The following PLPPR1 variants were observed in gnomAD, a reference collection of about 807,000 sequenced individuals.
The protein encoded by PLPPR1 is phospholipid phosphatase related 1.
PLPPR1 carries 10 observed loss-of-function variants against 33.1 expected under a neutral mutation model. The observed-to-expected ratio is 0.30, with a 90% CI of 0.19 to 0.51. PLPPR1 has a LOEUF of 0.51. Among genes scored for constraint, PLPPR1 ranks in the 20% least tolerant of loss-of-function variants. The probability of loss-of-function intolerance (pLI) is 0.97; values close to 1 mark genes in which losing one functional copy is unlikely to be tolerated. For missense variants in PLPPR1, 304 were observed against 408.1 expected (o/e 0.74, Z 2.20); for synonymous variants, 151 against 151.0 (o/e 1.00, Z 0.00).
intron 2 of PLPPR1, among the ~76,000 whole-genome samples, chr9:101,216,097 A>G (rs1408223368): frequency 3.3e-5 from 5 of 152,166 alleles, no homozygotes; most frequent in African/African-American, 1.2e-4. Context: ...ACTAATTTAC[A>G]TTCCCACCAA....
At position 101,035,729 on chromosome 9, in the gene PLPPR1, T is replaced by C. The variant is rs569813155; in HGVS notation, c.-46+6627T>C. On this transcript the variant is annotated intron_variant, in intron 1 of 7. Transcript: ENST00000374874. ...AATCAATTACTGAACCAACTTCTCC[T>C]TTTGAGTCATTGATGACACTTCAAA... is the stretch of plus-strand genomic sequence containing the variant. Among the ~76,000 whole-genome samples, 4 of 152,332 alleles carry C rather than the reference T, an allele frequency of 2.6e-5. No homozygotes were observed. The South Asian group carries it at 8.3e-4, about 32-fold the overall frequency.
chr9:101,250,513 G>A (rs1313517923), intron 2 of PLPPR1, among the ~76,000 whole-genome samples: 1 of 151,926 alleles, frequency 6.6e-6, no homozygotes, highest in Non-Finnish European at 1.5e-5. Flanking sequence ...CCTCCCAAGT[G>A]GCCATGTCTT....
At chr9:101,238,617 T>C (rs1827383293) in intron 2 of PLPPR1, among the ~76,000 whole-genome samples, 2 of 151,408 alleles carry the variant, frequency 1.3e-5, no homozygotes, top group Admixed American at 6.6e-5. Context: ...TTAATAGACA[T>C]TGGAGACACT....
intron 4 of PLPPR1, among the ~76,000 whole-genome samples, chr9:101,287,554 GCAGTGGCA>G (rs1828415128): frequency 2.0e-5 from 3 of 152,190 alleles, no homozygotes; most frequent in African/African-American, 7.2e-5. Context: ...AGGCTGGAGT[GCAGTGGCA>G]CGACCTCGGC....
chr9:101,301,379 A>G (rs1032139811), intron 4 of PLPPR1, among the ~76,000 whole-genome samples: 1 of 152,208 alleles, frequency 6.6e-6, no homozygotes, highest in African/African-American at 2.4e-5. Flanking sequence ...TATAAGAGCA[A>G]TATCAATAAA....
intron 1 of PLPPR1, among the ~76,000 whole-genome samples, chr9:101,179,860 C>A (rs1369956169): frequency 6.6e-6 from 1 of 151,678 alleles, no homozygotes; most frequent in Non-Finnish European, 1.5e-5. Context: ...TGGATGGGCA[C>A]CATCTAATCA....
At chr9:101,253,286 G>A (rs945367763) in intron 2 of PLPPR1, among the ~76,000 whole-genome samples, 3 of 151,870 alleles carry the variant, frequency 2.0e-5, no homozygotes, top group Non-Finnish European at 4.4e-5. Flanking sequence ...GGTGGTTCAT[G>A]CCTGTAATCC....
intron 1 of PLPPR1, among the ~76,000 whole-genome samples, chr9:101,031,609 A>G (rs2486382): frequency 0.58 from 88,329 of 152,080 alleles, 25,927 homozygotes; most frequent in East Asian, 0.82. Flanking sequence ...GGTCCCAATC[A>G]TCAAGGTAAC....
chr9:101,155,597 T>C (rs1588050872), intron 1 of PLPPR1, among the ~76,000 whole-genome samples: 1 of 109,694 alleles, frequency 9.1e-6, no homozygotes, highest in South Asian at 3.0e-4. Flanking sequence ...CTTTTCTCTC[T>C]CTCTCTCTTT....
At chr9:101,103,279 G>T (rs1830935516) in intron 1 of PLPPR1, among the ~76,000 whole-genome samples, 1 of 102,290 alleles carries the variant, frequency 9.8e-6, no homozygotes, top group Non-Finnish European at 1.9e-5. Context: ...TATGGTTTTA[G>T]GTCTAACGTT....
chr9:101,199,538 C>T (rs546696363), intron 2 of PLPPR1, among the ~76,000 whole-genome samples: 13 of 152,260 alleles, frequency 8.5e-5, no homozygotes, highest in African/African-American at 3.1e-4. Context: ...ACTTTTTCTC[C>T]TGATGCATGA....
chr9:101,175,578 T>C (rs947443638), intron 1 of PLPPR1, among the ~76,000 whole-genome samples: 8 of 151,968 alleles, frequency 5.3e-5, no homozygotes, highest in African/African-American at 1.9e-4. Flanking sequence ...TATTTGTTTA[T>C]ATATTTTTCA....
chr9:101,305,206 T>A (rs1480002168), intron 4 of PLPPR1, among the ~76,000 whole-genome samples: 1 of 132,974 alleles, frequency 7.5e-6, no homozygotes, highest in Admixed American at 7.3e-5. Context: ...GAGGTAAAAG[T>A]GTGTGTGTGT....
chr9:101,255,902 A>G (rs1188768734), intron 2 of PLPPR1, among the ~76,000 whole-genome samples: 4 of 152,206 alleles, frequency 2.6e-5, no homozygotes, highest in African/African-American at 7.2e-5. Flanking sequence ...TAGGAGAGGT[A>G]AAATAATAAC....
At chr9:101,275,560 G>A (rs1277984565) in intron 3 of PLPPR1, among the ~76,000 whole-genome samples, 1 of 152,110 alleles carries the variant, frequency 6.6e-6, no homozygotes, top group East Asian at 1.9e-4. Context: ...GAAATCTGCA[G>A]GGTATGTTCT....
At chr9:101,044,116 C>T (rs574545215) in intron 1 of PLPPR1, among the ~76,000 whole-genome samples, 4 of 152,272 alleles carry the variant, frequency 2.6e-5, no homozygotes, top group South Asian at 2.1e-4. Context: ...TCCATACATC[C>T]GTCAAAGGAC....
chr9:101,206,927 A>G (rs909069990), intron 2 of PLPPR1, among the ~76,000 whole-genome samples: 4 of 152,058 alleles, frequency 2.6e-5, no homozygotes, highest in Non-Finnish European at 5.9e-5. Flanking sequence ...GCCAGGACTT[A>G]TAGGGAATAT....
chr9:101,281,468 A>C (rs1429426889), intron 3 of PLPPR1, among the ~76,000 whole-genome samples: 2 of 152,146 alleles, frequency 1.3e-5, no homozygotes, highest in African/African-American at 4.8e-5. Context: ...TCTTGAGCAA[A>C]AAACAAAACT....
chr9:101,278,672 C>T (rs1828241854), intron 3 of PLPPR1, among the ~76,000 whole-genome samples: 1 of 152,148 alleles, frequency 6.6e-6, no homozygotes, highest in East Asian at 1.9e-4. Flanking sequence ...TGGCAGGCAC[C>T]CACAGCCCCA....
Sources: allele counts gnomAD v4.1 joint callset (sites outside exome capture counted in the v4.1 genomes callset), GRCh38; gene constraint gnomAD v4.1.1; transcripts MANE v1.5; gene names NCBI Gene and HGNC (gene_info 2026-07-23, HGNC 2026-07-21).